The following RNF17 variants were observed in gnomAD, a reference collection of about 807,000 sequenced individuals.
The protein encoded by RNF17 is spermatogenesis associated 23.
Under a neutral mutation model 200.5 loss-of-function variants are expected in RNF17, and 31 were observed. The observed-to-expected ratio is 0.15, with a 90% CI of 0.12 to 0.21. RNF17 has a LOEUF of 0.21. RNF17 is among the 10% of genes least tolerant of loss of function. The pLI, the probability that RNF17 is intolerant of heterozygous loss-of-function variation, is 1.00. For missense variants in RNF17, 1,628 were observed against 1,905.1 expected, an observed-to-expected ratio of 0.85 and a Z score of 2.71; for synonymous variants, 606 against 637.8, an observed-to-expected ratio of 0.95 and a Z score of 0.75.
intron 12 of RNF17, 43 bp downstream of exon 12, chr13:24,799,627 A>G: frequency 7.9e-7 from 1 of 1,258,548 alleles, no homozygotes; most frequent in Non-Finnish European, 1.1e-6. Context: ...GCTTAGAAAC[A>G]TTTTGGAGGG....
intron 18 of RNF17, among the ~76,000 whole-genome samples, chr13:24,836,244 C>G (rs766972944): frequency 6.6e-6 from 1 of 152,166 alleles, no homozygotes; most frequent in Non-Finnish European, 1.5e-5. Flanking sequence ...TGCTAGAGAC[C>G]TGGACATCCA....
chr13:24,822,640 C>T (rs1465935908), intron 15 of RNF17, among the ~76,000 whole-genome samples: 2 of 152,080 alleles, frequency 1.3e-5, no homozygotes, highest in Admixed American at 1.3e-4. Flanking sequence ...TGGCTGGTCT[C>T]GAACTTCTGA....
intron 15 of RNF17, among the ~76,000 whole-genome samples, chr13:24,811,461 C>T (rs9553446): frequency 0.18 from 26,726 of 152,164 alleles, 2,519 homozygotes; most frequent in South Asian, 0.32. Context: ...GTATTCTTCA[C>T]GTAGTTCTTG....
chr13:24,869,234 T>C (rs564779843), intron 31 of RNF17, among the ~76,000 whole-genome samples: 1 of 152,336 alleles, frequency 6.6e-6, no homozygotes, highest in South Asian at 2.1e-4. Flanking sequence ...TACATGTCCT[T>C]GGCTAACAAA....
intron 6 of RNF17, among the ~76,000 whole-genome samples, chr13:24,782,598 G>A (rs1882538945): frequency 9.5e-6 from 1 of 105,304 alleles, no homozygotes; most frequent in African/African-American, 3.0e-5. Context: ...ACTTTGGGAG[G>A]CTGAGATGGG....
intron 32 of RNF17, among the ~76,000 whole-genome samples, chr13:24,873,254 A>G (rs1470565285): frequency 6.6e-6 from 1 of 152,132 alleles, no homozygotes; most frequent in Non-Finnish European, 1.5e-5. Context: ...AGAACTAGCA[A>G]CTCTGGGAAT....
chr13:24,804,465 A>T (rs761988824), intron 15 of RNF17, 36 bp downstream of exon 15: 69 of 1,518,354 alleles, frequency 4.5e-5, no homozygotes, highest in Admixed American at 8.4e-5. Context: ...TGAAGTTTTT[A>T]AAAAAATTTT....
chr13:24,882,874 G>GT (rs138938177), downstream of RNF17: 702 of 358,640 alleles, frequency 2.0e-3, 1 homozygote, highest in East Asian at 2.9e-3. Flanking sequence ...GTACTTCTTG[G>GT]TTTTTTTTTA....
Position 24,814,631 on chromosome 13 carries a change from T to C in RNF17, c.2091+10202T>C, listed in dbSNP as rs147114592. 4.4e-3 allele frequency among the ~76,000 whole-genome samples: 664 copies of C among 152,336 alleles called. 2 individuals carry two copies. Among genetic ancestry groups the C allele is most frequent in the Middle Eastern group, 6.8e-3 (2 of 294 alleles). On this transcript the variant is annotated intron_variant, in intron 15 of 35. Transcript: ENST00000255324. Reference sequence around the variant, plus strand: ...ACTATTTGTTGAAAACACTGTCTTTTCCCCCATTGAATGGTCTTGGCACCC... The same window carrying C: ...ACTATTTGTTGAAAACACTGTCTTTCCCCCCATTGAATGGTCTTGGCACCC...
At chr13:24,882,778 G>T (rs186510850), downstream of RNF17, 2 of 190,458 alleles carry the variant, frequency 1.1e-5, no homozygotes, top group Admixed American at 1.1e-4. Context: ...ACAGAGACAC[G>T]TGTTTACTCC....
chr13:24,812,613 G>C (rs1361604173), intron 15 of RNF17, among the ~76,000 whole-genome samples: 1 of 149,240 alleles, frequency 6.7e-6, no homozygotes, highest in East Asian at 2.0e-4. Flanking sequence ...CTGCGTTGTT[G>C]ACACTGGGAG....
chr13:24,873,263 A>G lies in RNF17; in HGVS notation c.4448-851A>G, dbSNP rs180837926. Among the ~76,000 whole-genome samples, 206 of 152,284 alleles carry G rather than the reference A, an allele frequency of 1.4e-3. 1 individual carries two copies. The highest frequency in any genetic ancestry group is 2.3e-3 in the Non-Finnish European group (154 of 68,014). ...AATACAAGAACTAGCAACTCTGGGA[A>G]TGGGAGAAATGCCTTTCTTTGAAGC... is the stretch of plus-strand genomic sequence containing the variant. On this transcript the variant is annotated intron_variant, in intron 32 of 35. Transcript: ENST00000255324.
intron 27 of RNF17, among the ~76,000 whole-genome samples, chr13:24,862,319 T>C (rs1051560726): frequency 4.6e-5 from 7 of 152,226 alleles, no homozygotes; most frequent in African/African-American, 1.2e-4. Flanking sequence ...CTTCTCACCA[T>C]GTGAACCTCT....
chr13:24,777,735 C>A (rs1881765503), intron 3 of RNF17, among the ~76,000 whole-genome samples: 1 of 152,010 alleles, frequency 6.6e-6, no homozygotes, highest in Admixed American at 6.6e-5. Context: ...ACGTAAGGAC[C>A]AGTAATTAAG....
At chr13:24,886,426 CTGAT>C in the RNF17 span, 1 of 1,192,744 alleles carries the variant, frequency 8.4e-7, no homozygotes, top group Non-Finnish European at 1.1e-6. Context: ...TGGGAAATCA[CTGAT>C]TTATAGGTCC....
chr13:24,779,905 A>G (rs1358093795), intron 5 of RNF17, among the ~76,000 whole-genome samples, 158 bp downstream of exon 5: 1 of 152,204 alleles, frequency 6.6e-6, no homozygotes, highest in Non-Finnish European at 1.5e-5. Flanking sequence ...TAGCCTGCCA[A>G]GATTGGTCTT....
the RNF17 span, among the ~76,000 whole-genome samples, chr13:24,887,275 C>A: frequency 6.6e-6 from 1 of 152,160 alleles, no homozygotes; most frequent in Non-Finnish European, 1.5e-5. Flanking sequence ...TATAAGTATA[C>A]CACTTATACC....
At chr13:24,765,408 C>T (rs1040443027) in intron 1 of RNF17, among the ~76,000 whole-genome samples, 4 of 152,110 alleles carry the variant, frequency 2.6e-5, no homozygotes, top group African/African-American at 7.2e-5. Context: ...ACTGAAAATT[C>T]GTATTACCTG....
chr13:24,851,713 C>A, intron 24 of RNF17, 142 bp downstream of exon 24: 1 of 583,146 alleles, frequency 1.7e-6, no homozygotes. Flanking sequence ...GGAGCCAGCT[C>A]AGAAATAGAT....
Sources: allele counts gnomAD v4.1 joint callset (sites outside exome capture counted in the v4.1 genomes callset), GRCh38; gene constraint gnomAD v4.1.1; transcripts MANE v1.5; gene names NCBI Gene and HGNC (gene_info 2026-07-23, HGNC 2026-07-21).